RBBP6: variants seen among roughly 807,000 people sequenced by gnomAD.
RBBP6 encodes RB binding protein 6, ubiquitin ligase.
In RBBP6, 25 loss-of-function variants were observed where a neutral mutation model predicts 167.7. The observed-to-expected ratio is 0.15, with a 90% CI of 0.11 to 0.21. The LOEUF is 0.21. Among genes scored for constraint, RBBP6 ranks in the 10% least tolerant of loss-of-function variants. The pLI, the probability that RBBP6 is intolerant of heterozygous loss-of-function variation, is 1.00. For synonymous variants in RBBP6, 789 were observed against 735.8 expected (o/e 1.07, Z -1.17); for missense variants, 1,868 against 2,134.2 (o/e 0.88, Z 2.46).
chr16:24,563,385 T>C (rs1264095582), intron 11 of RBBP6, 38 bp from the exon 12 acceptor site: 1 of 1,553,938 alleles, frequency 6.4e-7, no homozygotes, highest in Non-Finnish European at 8.7e-7. Flanking sequence ...TTTTTTTTTT[T>C]TTTAACTATT....
intron 1 of RBBP6, among the ~76,000 whole-genome samples, chr16:24,542,107 G>C (rs1477062198): frequency 6.6e-6 from 1 of 152,180 alleles, no homozygotes; most frequent in Non-Finnish European, 1.5e-5. Context: ...TTAAAAACAA[G>C]TGTCATACCC....
chr16:24,565,200 T>C (rs527677194), intron 14 of RBBP6, among the ~76,000 whole-genome samples: 1 of 152,296 alleles, frequency 6.6e-6, no homozygotes, highest in African/African-American at 2.4e-5. Context: ...ACCAGTTTAA[T>C]TTAAGATTAA....
chr16:24,560,874 A>C (rs890379677), intron 8 of RBBP6, among the ~76,000 whole-genome samples: 12 of 152,208 alleles, frequency 7.9e-5, no homozygotes, highest in Non-Finnish European at 1.5e-4. Context: ...TTATCTTCAG[A>C]GGGTTCTGGA....
chr16:24,570,885 A>C lies in RBBP6; in HGVS notation c.3819A>C (p.Ser1273=). 1 of 1,514,850 alleles carries C rather than the reference A, an allele frequency of 6.6e-7. No homozygotes were observed. Among genetic ancestry groups the C allele is most frequent in the Non-Finnish European group, 8.9e-7 (1 of 1,125,478 alleles). The allele number at this position is 1,514,850 out of a possible 1,614,324, so 93.8% of individuals were successfully genotyped here. Residue 1273 remains serine, a synonymous_variant, in exon 18 of 18, where the codon TCA becomes TCC. Transcript: ENST00000319715. ...STLVDYTSTS[S]TGGSPVRKSE... ...TTGTTATTCTTTTTAGTACGAGCTC[A>C]ACTGGAGGCAGTCCTGTGCGGAAAT...
At chr16:24,543,703 A>G (rs1481948536) in intron 1 of RBBP6, among the ~76,000 whole-genome samples, 1 of 152,196 alleles carries the variant, frequency 6.6e-6, no homozygotes, top group Non-Finnish European at 1.5e-5. Flanking sequence ...TTCAAAATGA[A>G]TATCAAGTAA....
chr16:24,571,119 T>C lies in RBBP6; in HGVS notation c.4053T>C (p.Asn1351=). 1 of 1,613,002 alleles carries C rather than the reference T, an allele frequency of 6.2e-7. No homozygotes were observed. The highest frequency in any genetic ancestry group is 1.7e-5 in the Admixed American group (1 of 59,862). The change falls in exon 18 of 18, where the codon AAT becomes AAC. Residue 1351 remains asparagine, a synonymous_variant. Coordinates refer to ENST00000319715, the MANE Select transcript of RBBP6 (RefSeq NM_006910.5). ...GAAAACCTGCTAGTGTTATAAAAAA[T>C]GTTAGTACAAAGCCATCAAATATAG... The part of the protein sequence containing the change: ...SVGKPASVIK[N]VSTKPSNIVK...
At chr16:24,543,803 A>G (rs980696082) in intron 1 of RBBP6, among the ~76,000 whole-genome samples, 38 of 152,234 alleles carry the variant, frequency 2.5e-4, no homozygotes, top group African/African-American at 9.1e-4. Context: ...AGAGGTTTGG[A>G]AGCTGAATAT....
rs933107246 is a variant in RBBP6 at position 24,541,205 on chromosome 16, C to CAAAAAAAAAAAAAAAA, written c.166+420_166+421insAAAAAAAAAAAAAAAA. ...GCAAAAAAAAAAACAAAAAAAAAAC[C>CAAAAAAAAAAAAAAAA]AAAAAAACAATTTTCTAACCTAACA... On this transcript the variant is annotated intron_variant, in intron 1 of 17. Coordinates refer to ENST00000319715, the MANE Select transcript of RBBP6 (RefSeq NM_006910.5). Among the ~76,000 whole-genome samples the CAAAAAAAAAAAAAAAA allele has an allele frequency of 4.8e-4, 38 of 79,278 alleles. 1 individual carries two copies. The highest frequency in any genetic ancestry group is 1.3e-3 in the South Asian group (3 of 2,324). The allele number at this position is 79,278 out of a possible 152,430, so 52.0% of individuals were successfully genotyped here. A position where few individuals can be genotyped will look rare whatever the true frequency, so the allele number is the denominator to read the frequency against.
At chr16:24,543,954 A>G (rs1007754574) in intron 1 of RBBP6, among the ~76,000 whole-genome samples, 16 of 152,242 alleles carry the variant, frequency 1.1e-4, no homozygotes, top group African/African-American at 1.9e-4. Flanking sequence ...CCAACAGACT[A>G]CTTGTTAAGG....
At position 24,561,819 on chromosome 16, in the gene RBBP6, T is replaced by C. The variant is rs771012030; in HGVS notation, c.952-5T>C. ...TTTCTGCATTATTATGCTTGGTATC[T>C]GTAGGCTGTAAATAACTTCAAAAAT... On this transcript the variant is annotated splice_polypyrimidine_tract_variant and splice_region_variant and intron_variant, in intron 9 of 17. Coordinates refer to ENST00000319715, the MANE Select transcript of RBBP6 (RefSeq NM_006910.5). 5.6e-6 allele frequency: 9 copies of C among 1,609,982 alleles called. No homozygotes were observed. The highest frequency in any genetic ancestry group is 7.6e-6 in the Non-Finnish European group (9 of 1,177,020).
rs1866340528 is a variant in RBBP6 at position 24,568,823 on chromosome 16, T to G, written c.2133T>G (p.Arg711=). The change falls in exon 17 of 18, where the codon CGT becomes CGG. Residue 711 remains arginine, a synonymous_variant. Transcript: ENST00000319715. ...TYSKSRSGST[R]SRSYSRSFSR... is the part of the protein sequence containing the mutation. Reference sequence around the variant, plus strand: ...CTAAATCAAGATCTGGTTCAACACGTTCACGCTCTTATTCTCGATCATTCA... The same window carrying G: ...CTAAATCAAGATCTGGTTCAACACGGTCACGCTCTTATTCTCGATCATTCA... 3 of 1,614,134 alleles carry G rather than the reference T, an allele frequency of 1.9e-6. No homozygotes were observed. The highest frequency in any genetic ancestry group is 2.2e-5 in the South Asian group (2 of 91,088).
intron 9 of RBBP6, 24 bp downstream of exon 9, chr16:24,561,739 GAAAA>G: frequency 6.2e-7 from 1 of 1,609,472 alleles, no homozygotes; most frequent in African/African-American, 1.3e-5. Context: ...TCCATTTTAT[GAAAA>G]AATTCTTTTT....
intron 13 of RBBP6, among the ~76,000 whole-genome samples, chr16:24,563,881 A>G (rs1899132147): frequency 6.6e-6 from 1 of 151,998 alleles, no homozygotes; most frequent in African/African-American, 2.4e-5. Context: ...TCTTTTCTAA[A>G]ATACAAAATT....
At chr16:24,545,362 G>T (rs1244886282) in intron 1 of RBBP6, among the ~76,000 whole-genome samples, 5 of 152,108 alleles carry the variant, frequency 3.3e-5, no homozygotes, top group Admixed American at 1.3e-4. Flanking sequence ...GTGAACCACC[G>T]CGCCTGGCCA....
Position 24,564,264 on chromosome 16 carries a change from T to C in RBBP6, c.1521-533T>C, listed in dbSNP as rs150886033. ...TATATAATCCGATTGAAAATTGATA[T>C]ATTCTTAAAAGTATGAGTTACTAGC... On this transcript the variant is annotated intron_variant, in intron 13 of 17. Coordinates refer to ENST00000319715, the MANE Select transcript of RBBP6 (RefSeq NM_006910.5). 6.4e-4 allele frequency among the ~76,000 whole-genome samples: 97 copies of C among 152,352 alleles called. No individual in the cohort carries two copies. The East Asian group carries it at 0.018, about 28-fold the overall frequency.
At chr16:24,554,700 G>T (rs1346217696) in intron 4 of RBBP6, 1 of 151,058 alleles carries the variant, frequency 6.6e-6, no homozygotes, top group East Asian at 1.9e-4. Flanking sequence ...GACCATATTT[G>T]AGTTTTTGGT....
At position 24,539,730 on chromosome 16, in the gene RBBP6, T is replaced by C. The variant is rs1898433111; in HGVS notation, c.-897T>C. ...GCAGCTTGCGGGCGTGTTCTCGCGG[T>C]TCCGGGCCTCAAGGCGACGGAAACG... On this transcript the variant is annotated 5_prime_UTR_variant, in exon 1 of 18. Coordinates refer to ENST00000319715, the MANE Select transcript of RBBP6 (RefSeq NM_006910.5). The C allele has an allele frequency of 6.6e-6, 1 of 152,078 alleles. No homozygotes were observed. Among genetic ancestry groups the C allele is most frequent in the Non-Finnish European group, 1.5e-5 (1 of 67,992 alleles). The allele number at this position is 152,078 out of a possible 1,614,324, so 9.4% of individuals were successfully genotyped here.
At chr16:24,561,782 C>T (rs1470184279) in intron 9 of RBBP6, 42 bp from the exon 10 acceptor site, 6 of 1,602,686 alleles carry the variant, frequency 3.7e-6, no homozygotes, top group Non-Finnish European at 5.1e-6. Flanking sequence ...TCAGTGAATA[C>T]TGCATAACAT....
Position 24,569,650 on chromosome 16 carries a change from G to A in RBBP6, c.2960G>A (p.Arg987Lys). 1 of 1,613,310 alleles carries A rather than the reference G, an allele frequency of 6.2e-7. No individual in the cohort carries two copies. Among genetic ancestry groups the A allele is most frequent in the Middle Eastern group, 1.7e-4 (1 of 6,056 alleles). Residue 987 changes from arginine to lysine, a missense_variant, in exon 17 of 18, where the codon AGA (arginine) becomes AAA (lysine). Around this residue, in one of 7 missense-constraint regions of RBBP6, gnomAD observed 673 missense variants for 691.5 expected, o/e 0.97. Transcript: ENST00000319715. ...AGTAGAGATGATGCCACACCTGTTA[G>A]AGATGAACCAATGGATGCAGAATCA... ...LPSRDDATPVRDEPMDAESIT... is the reference protein window; with the variant it reads ...LPSRDDATPVKDEPMDAESIT...
Sources: gnomAD v4.1 joint callset for allele counts (sites outside exome capture counted in the v4.1 genomes callset) on GRCh38, gnomAD v4.1.1 for gene constraint, gnomAD v4.1.1 regional missense constraint, MANE v1.5 for transcripts, NCBI Gene and HGNC (gene_info 2026-07-23, HGNC 2026-07-21) for gene names.